INCENP: variants seen among roughly 807,000 people sequenced by gnomAD.
INCENP encodes binds and activates aurora-B and -C in vivo and in vitro.
Under a neutral mutation model 107.3 loss-of-function variants are expected in INCENP, and 43 were observed. The ratio of observed to expected loss-of-function variants is 0.40; its 90% CI spans 0.31 to 0.52. INCENP has a LOEUF of 0.52. Among genes scored for constraint, INCENP ranks in the 20% least tolerant of loss-of-function variants. The pLI is 0.53. For missense variants in INCENP, 1,089 were observed against 1,250.9 expected (o/e 0.87, Z 1.95); for synonymous variants, 488 against 494.4 (o/e 0.99, Z 0.17).
chr11:62,145,586 G>A (rs767166284), intron 13 of INCENP, 43 bp from the exon 14 acceptor site: 1 of 1,570,152 alleles, frequency 6.4e-7, no homozygotes, highest in South Asian at 1.2e-5. Flanking sequence ...CTGCAGGATT[G>A]AATGTGGGTG....
At chr11:62,137,969 T>G (rs1321202169) in intron 5 of INCENP, 86 bp downstream of exon 5, 6 of 1,228,522 alleles carry the variant, frequency 4.9e-6, no homozygotes, top group Non-Finnish European at 7.2e-6. Flanking sequence ...AAGCAATTCC[T>G]GGGCTGAGTC....
In INCENP at chr11:62,151,932, G is replaced by T. The variant is rs746648988; in HGVS notation, c.2713G>T (p.Ala905Ser). 3 of 1,612,940 alleles carry T rather than the reference G, an allele frequency of 1.9e-6. No homozygotes were observed. The highest frequency in any genetic ancestry group is 3.3e-5 in the Admixed American group (2 of 60,030). The change falls in exon 19 of 19, where the codon GCC (alanine) becomes TCC (serine). Residue 905 changes from alanine (A) to serine (S), a missense_variant. Ala to Ser is a moderately conservative substitution (Grantham distance 99, BLOSUM62 1). Transcript: ENST00000394818. ...CTGGAACTCACCGCCCCTGCAGGGC[G>T]CCAGGGTCCCCAGCAGCCTGGCCTA... ...AVWNSPPLQG[A>S]RVPSSLAYSL...
rs534121658 is a variant in INCENP, at chr11:62,130,282, G to A, written c.755G>A (p.Arg252Gln). 22 of 1,612,452 alleles carry A rather than the reference G, an allele frequency of 1.4e-5. No homozygotes were observed. The highest frequency in any genetic ancestry group is 3.3e-5 in the South Asian group (3 of 91,082). Residue 252 changes from arginine to glutamine, a missense_variant, in exon 4 of 19, where the codon CGG becomes CAG. Arg to Gln is a conservative substitution (Grantham distance 43). Coordinates refer to ENST00000394818, the MANE Select transcript of INCENP (RefSeq NM_001040694.2). ...AAGGGTCAAGGGGTCGGGACGGGGC[G>A]GTCTGCGTCTAAGCTCAGGATTGCG... is the stretch of plus-strand genomic sequence containing the variant. Reference protein sequence around the residue: ...DPKGQGVGTGRSASKLRIAQV... With the variant: ...DPKGQGVGTGQSASKLRIAQV...
intron 8 of INCENP, 72 bp from the exon 9 acceptor site, chr11:62,140,632 G>T: frequency 7.6e-7 from 1 of 1,309,116 alleles, no homozygotes; most frequent in South Asian, 1.3e-5. Context: ...TTGTTCACCG[G>T]GGTGACTTTT....
intron 7 of INCENP, among the ~76,000 whole-genome samples, chr11:62,139,898 G>T (rs1292062700): frequency 6.6e-6 from 1 of 152,194 alleles, no homozygotes; most frequent in Non-Finnish European, 1.5e-5. Flanking sequence ...CCAGGCACTC[G>T]CGGGGAGGTG....
At position 62,128,192 on chromosome 11, in the gene INCENP, C is replaced by A. The variant is rs535503693; in HGVS notation, c.31C>A (p.Leu11Met). 1 of 1,614,200 alleles carries A rather than the reference C, an allele frequency of 6.2e-7. No homozygotes were observed. The highest frequency in any genetic ancestry group is 8.5e-7 in the Non-Finnish European group (1 of 1,180,026). Residue 11 changes from leucine to methionine, a missense_variant, in exon 2 of 19, where the codon CTG (leucine) becomes ATG (methionine). Coordinates refer to ENST00000394818, the MANE Select transcript of INCENP (RefSeq NM_001040694.2). ...GACGACGGCCCCAGGGCCCATTCAC[C>A]TGCTGGAGCTATGTGACCAGAAGCT... MGTTAPGPIH[L>M]LELCDQKLME...
At chr11:62,129,737 C>T (rs557768254) in intron 3 of INCENP, 45 bp from the exon 4 acceptor site, 1 of 1,509,284 alleles carries the variant, frequency 6.6e-7, no homozygotes, top group South Asian at 1.2e-5. Flanking sequence ...GGGTGCCACC[C>T]TGTCCTGCTG....
At chr11:62,148,030 C>T (rs1026693657) in intron 15 of INCENP, among the ~76,000 whole-genome samples, 3 of 152,156 alleles carry the variant, frequency 2.0e-5, no homozygotes, top group Non-Finnish European at 4.4e-5. Context: ...ATGACATGTT[C>T]AAAGTCATGA....
At position 62,150,078 on chromosome 11, in the gene INCENP, C is replaced by A; in HGVS notation, c.2413C>A (p.Gln805Lys). The A allele has an allele frequency of 6.2e-7, 1 of 1,614,028 alleles. No homozygotes were observed. The highest frequency in any genetic ancestry group is 1.6e-4 in the Middle Eastern group (1 of 6,062). ...DVQSPACTSY[Q>K]MTPQGHRAPP... Reference sequence around the variant, plus strand: ...GCAGTCTCCAGCTTGTACCTCATATCAGATGACTCCGCAAGGGCACAGGGC... The same window carrying A: ...GCAGTCTCCAGCTTGTACCTCATATAAGATGACTCCGCAAGGGCACAGGGC... The change falls in exon 18 of 19, where the codon CAG becomes AAG. Residue 805 changes from glutamine to lysine, a missense_variant. Transcript: ENST00000394818.
intron 4 of INCENP, among the ~76,000 whole-genome samples, chr11:62,137,050 G>A (rs1370087318): frequency 6.6e-6 from 1 of 151,960 alleles, no homozygotes; most frequent in African/African-American, 2.4e-5. Context: ...CCCATCATAG[G>A]CTTTTAAAAT....
intron 15 of INCENP, among the ~76,000 whole-genome samples, chr11:62,147,949 T>G (rs528464173): frequency 2.6e-4 from 40 of 152,248 alleles, no homozygotes; most frequent in African/African-American, 9.4e-4. Flanking sequence ...TAGTCCTCAG[T>G]TGAAGCCCAT....
Position 62,146,791 on chromosome 11 carries a change from G to A in INCENP, c.2093G>A (p.Arg698His), listed in dbSNP as rs946453819. The change falls in exon 15 of 19, where the codon CGC becomes CAC. Residue 698 changes from arginine (R) to histidine (H), a missense_variant. Arg to His is a conservative substitution (Grantham distance 29, BLOSUM62 0). Coordinates refer to ENST00000394818, the MANE Select transcript of INCENP (RefSeq NM_001040694.2). ...CAGGAGCGGCGGGAGCAGGAGCGGC[G>A]CGAGCAGGAGCGGCGCGAGCAGGAG... ...REQERREQER[R>H]EQERREQERR... The A allele has an allele frequency of 3.1e-5, 48 of 1,527,478 alleles. No individual in the cohort carries two copies. Among genetic ancestry groups the A allele is most frequent in the African/African-American group, 8.6e-5 (6 of 70,158 alleles). The allele number at this position is 1,527,478 out of a possible 1,614,324, so 94.6% of individuals were successfully genotyped here. A position where few individuals can be genotyped will look rare whatever the true frequency, so the allele number is the denominator to read the frequency against.
intron 3 of INCENP, among the ~76,000 whole-genome samples, chr11:62,129,204 C>T (rs76193688): frequency 0.035 from 5,378 of 152,218 alleles, 308 homozygotes; most frequent in African/African-American, 0.12. Flanking sequence ...GTGAGTGTGA[C>T]CAGGGGTGTA....
chr11:62,140,991 A>G lies in INCENP; in HGVS notation c.1540A>G (p.Ser514Gly). The G allele has an allele frequency of 6.2e-7, 1 of 1,614,212 alleles. No homozygotes were observed. Among genetic ancestry groups the G allele is most frequent in the Non-Finnish European group, 8.5e-7 (1 of 1,180,042 alleles). Residue 514 changes from serine to glycine, a missense_variant, in exon 10 of 19, where the codon AGC (serine) becomes GGC (glycine). Ser to Gly is a moderately conservative substitution (Grantham distance 56). Coordinates refer to ENST00000394818, the MANE Select transcript of INCENP (RefSeq NM_001040694.2). ...MLMTPTSAPRSVMKSFIKRNT... is the reference protein window; with the variant it reads ...MLMTPTSAPRGVMKSFIKRNT... Reference sequence around the variant, plus strand: ...CATGACCCCGACCTCAGCCCCACGCAGCGTCATGAAGTCCTTTATTAAGCG... The same window carrying G: ...CATGACCCCGACCTCAGCCCCACGCGGCGTCATGAAGTCCTTTATTAAGCG...
intron 4 of INCENP, among the ~76,000 whole-genome samples, chr11:62,133,219 T>C (rs979598757): frequency 1.3e-5 from 2 of 152,154 alleles, no homozygotes; most frequent in African/African-American, 2.4e-5. Flanking sequence ...GAGTTCAATT[T>C]GTTAATTTTT....
At position 62,141,628 on chromosome 11, in the gene INCENP, G is replaced by A. The variant is rs2134657089; in HGVS notation, c.1605+117G>A. On this transcript the variant is annotated intron_variant, in intron 11 of 18. Coordinates refer to ENST00000394818, the MANE Select transcript of INCENP (RefSeq NM_001040694.2). ...TGCACTAACATTGTAAGCGGGAGGG[G>A]AGCCTTAGGAAGAGAGTGGGACGGT... is the stretch of plus-strand genomic sequence containing the variant. 3 of 1,368,386 alleles carry A rather than the reference G, an allele frequency of 2.2e-6. No individual in the cohort carries two copies. The South Asian group carries it at 3.5e-5, about 16-fold the overall frequency. 84.8% of individuals were successfully genotyped at this position (1,368,386 alleles called of 1,614,324 possible).
intron 4 of INCENP, among the ~76,000 whole-genome samples, chr11:62,133,326 C>G (rs1459769510): frequency 1.3e-5 from 2 of 152,098 alleles, no homozygotes; most frequent in African/African-American, 4.8e-5. Flanking sequence ...GAAAAAAAGC[C>G]AGCAGTCAGC....
rs11230925 is a variant in INCENP, at chr11:62,145,885, G to T, written c.1959+134G>T. On this transcript the variant is annotated intron_variant, in intron 14 of 18. Coordinates refer to ENST00000394818, the MANE Select transcript of INCENP (RefSeq NM_001040694.2). ...CTTGTTGCTTCATGCTAAGAAGGAG[G>T]TTTCCCAGAAGTCTCCAGGGCGGGG... 628,707 of 1,145,894 alleles carry T rather than the reference G, an allele frequency of 0.55. 186,890 individuals are homozygous for T. The highest frequency in any genetic ancestry group is 0.62 in the Non-Finnish European group (512,229 of 828,080). 71.0% of individuals were successfully genotyped at this position (1,145,894 alleles called of 1,614,324 possible). A position where few individuals can be genotyped will look rare whatever the true frequency, so the allele number is the denominator to read the frequency against.
intron 7 of INCENP, among the ~76,000 whole-genome samples, chr11:62,139,912 G>A (rs918016720): frequency 3.3e-5 from 5 of 152,288 alleles, no homozygotes; most frequent in Non-Finnish European, 7.4e-5. Flanking sequence ...GGAGGTGTTC[G>A]TGAGCTGGGG....
Sources: allele counts gnomAD v4.1 joint callset (sites outside exome capture counted in the v4.1 genomes callset), GRCh38; gene constraint gnomAD v4.1.1; transcripts MANE v1.5; gene names NCBI Gene and HGNC (gene_info 2026-07-23, HGNC 2026-07-21).